CACNA1A: variants seen among roughly 807,000 people sequenced by gnomAD.
CACNA1A encodes the protein voltage-dependent P/Q-type calcium channel subunit alpha-1A.
Under a neutral mutation model 262.4 loss-of-function variants are expected in CACNA1A, and 57 were observed. The ratio of observed to expected loss-of-function variants is 0.22; its 90% CI spans 0.18 to 0.27. The LOEUF (loss-of-function observed/expected upper bound fraction) is 0.27. Ranked by LOEUF, CACNA1A falls within the 10% of genes least tolerant of loss-of-function variation. CACNA1A has a pLI of 1.00. For synonymous variants in CACNA1A, 1,431 were observed against 1,419.3 expected (o/e 1.01, Z -0.18); for missense variants, 2,526 against 3,562.8 (o/e 0.71, Z 7.41).
chr19:13,392,215 AAAAAGAAAAG>A (rs556044353), intron 3 of CACNA1A, among the ~76,000 whole-genome samples: 2 of 152,064 alleles, frequency 1.3e-5, no homozygotes, highest in Admixed American at 6.6e-5. Context: ...CTGTTCAAAA[AAAAAGAAAAG>A]AAAAGAAAAA....
At chr19:13,486,380 C>G (rs1257198481) in intron 1 of CACNA1A, among the ~76,000 whole-genome samples, 1 of 125,462 alleles carries the variant, frequency 8.0e-6, no homozygotes, top group Admixed American at 8.0e-5. Context: ...CTCTCTCTCT[C>G]TCTCTGTCTG....
At chr19:13,470,594 C>T (rs1264931414) in intron 1 of CACNA1A, among the ~76,000 whole-genome samples, 1 of 152,140 alleles carries the variant, frequency 6.6e-6, no homozygotes, top group African/African-American at 2.4e-5. Context: ...ATGTATTTTG[C>T]CATTCTCTTG....
chr19:13,496,762 C>T (rs1356934592), intron 1 of CACNA1A, among the ~76,000 whole-genome samples: 1 of 152,200 alleles, frequency 6.6e-6, no homozygotes, highest in Non-Finnish European at 1.5e-5. Context: ...AGCAGTGGAT[C>T]AGAGAAGCCC....
chr19:13,254,212 T>G (rs2144731195), intron 29 of CACNA1A, among the ~76,000 whole-genome samples: 1 of 152,172 alleles, frequency 6.6e-6, no homozygotes, highest in East Asian at 1.9e-4. Context: ...CAAAGGTAAA[T>G]GAATTAAATG....
chr19:13,260,370 A>G (rs1290549873), intron 26 of CACNA1A: 1 of 149,206 alleles, frequency 6.7e-6, no homozygotes, highest in African/African-American at 2.5e-5. Context: ...TTTGTTTGAG[A>G]TGGAGTCTGG....
Position 13,300,617 on chromosome 19 carries a change from C to G in CACNA1A, c.2212G>C (p.Ala738Pro). 6.2e-7 allele frequency: 1 copy of G among 1,613,950 alleles called. No homozygotes were observed. Reference sequence around the variant, plus strand: ...GCCACCTCCTTGGCTTTCTGTAGGGCAAGTTTCTGGTTCGCTGCTTCTTCT... The same window carrying G: ...GCCACCTCCTTGGCTTTCTGTAGGGGAAGTTTCTGGTTCGCTGCTTCTTCT... ...EEEEAANQKL[A>P]LQKAKEVAEV... is the part of the protein sequence containing the mutation. The change falls in exon 18 of 47, where the codon GCC becomes CCC. Residue 738 changes from alanine to proline, a missense_variant. By Grantham distance (27) the Ala-to-Pro change is conservative. Around this residue, in one of 17 missense-constraint regions of CACNA1A, gnomAD observed 16 missense variants for 30.1 expected, o/e 0.53. Coordinates refer to ENST00000360228, the MANE Select transcript of CACNA1A (RefSeq NM_001127222.2).
intron 29 of CACNA1A, 85 bp downstream of exon 29, chr19:13,255,010 A>C: frequency 6.5e-5 from 87 of 1,338,648 alleles, no homozygotes; most frequent in Non-Finnish European, 7.9e-5. Context: ...TGTCTGGGAA[A>C]CTGCAGATGG....
intron 1 of CACNA1A, among the ~76,000 whole-genome samples, chr19:13,456,294 G>A (rs1207932560): frequency 2.0e-5 from 3 of 152,144 alleles, no homozygotes; most frequent in Admixed American, 6.6e-5. Flanking sequence ...ATCAAAGGAC[G>A]TTATCAAGAA....
In CACNA1A at chr19:13,209,437, C is replaced by A; in HGVS notation, c.6401G>T (p.Arg2134Leu). 2 of 1,380,584 alleles carry A rather than the reference C, an allele frequency of 1.4e-6. No individual in the cohort carries two copies. The highest frequency in any genetic ancestry group is 1.9e-6 in the Non-Finnish European group (2 of 1,062,428). The allele number at this position is 1,380,584 out of a possible 1,614,324, so 85.5% of individuals were successfully genotyped here. ...CCGCTCCAGCGAGTAATCGTCCAGG[C>A]GTCGGGCCTTGGGGCCCAGCACGGA... ...SASVLGPKAR[R>L]LDDYSLERVP... is the part of the protein sequence containing the mutation. Residue 2134 changes from arginine to leucine, a missense_variant, in exon 45 of 47, where the codon CGC (arginine) becomes CTC (leucine). Physicochemically the swap from Arg to Leu is moderately radical, Grantham distance 102. Around this residue, in one of 17 missense-constraint regions of CACNA1A, gnomAD observed 929 missense variants for 868.1 expected, o/e 1.07. Coordinates refer to ENST00000360228, the MANE Select transcript of CACNA1A (RefSeq NM_001127222.2).
At chr19:13,261,691 A>C in intron 25 of CACNA1A, 81 bp from the exon 26 acceptor site, 1 of 1,349,846 alleles carries the variant, frequency 7.4e-7, no homozygotes, top group Non-Finnish European at 1.0e-6. Context: ...TCATACCAAA[A>C]TACTGCCATG....
chr19:13,319,875 G>T (rs1442758680), intron 10 of CACNA1A, among the ~76,000 whole-genome samples: 1 of 152,182 alleles, frequency 6.6e-6, no homozygotes, highest in African/African-American at 2.4e-5. Flanking sequence ...ACAGGCTGAG[G>T]GGGGTCTAGT....
chr19:13,414,779 G>A (rs187924920), intron 3 of CACNA1A, among the ~76,000 whole-genome samples: 2 of 151,712 alleles, frequency 1.3e-5, no homozygotes, highest in South Asian at 2.1e-4. Flanking sequence ...GCAACACGGC[G>A]AAACTCCATT....
chr19:13,413,919 G>GAAAGAAAGAAAA (rs2144752472), intron 3 of CACNA1A, among the ~76,000 whole-genome samples: 1 of 131,248 alleles, frequency 7.6e-6, no homozygotes, highest in African/African-American at 3.0e-5. Context: ...AAGAAAGAAA[G>GAAAGAAAGAAAA]AAAGAAAGAA....
At chr19:13,391,517 C>G (rs2059709280) in intron 3 of CACNA1A, among the ~76,000 whole-genome samples, 1 of 152,122 alleles carries the variant, frequency 6.6e-6, no homozygotes, top group Admixed American at 6.6e-5. Flanking sequence ...GGAGTAGGAA[C>G]AGAGGCAAAA....
At chr19:13,262,461 T>C (rs1410122478) in intron 25 of CACNA1A, 3 of 387,152 alleles carry the variant, frequency 7.7e-6, no homozygotes, top group Non-Finnish European at 1.4e-5. Flanking sequence ...TTTAAATCCA[T>C]ATGATGCCTT....
intron 1 of CACNA1A, among the ~76,000 whole-genome samples, chr19:13,455,783 T>A (rs907547555): frequency 6.6e-6 from 1 of 150,642 alleles, no homozygotes; most frequent in Non-Finnish European, 1.5e-5. Flanking sequence ...GGCGAGAGAA[T>A]TGCTTGAGCC....
chr19:13,432,276 C>G (rs1599441064), intron 3 of CACNA1A, among the ~76,000 whole-genome samples: 1 of 147,404 alleles, frequency 6.8e-6, no homozygotes, highest in Admixed American at 6.8e-5. Context: ...TTAGCCGGGC[C>G]TGGTGGCAAG....
intron 4 of CACNA1A, among the ~76,000 whole-genome samples, chr19:13,367,621 G>A (rs918760061): frequency 2.6e-5 from 4 of 152,052 alleles, no homozygotes; most frequent in Admixed American, 6.6e-5. Context: ...CTGGCTACTC[G>A]GGAGGCTGAG....
intron 6 of CACNA1A, among the ~76,000 whole-genome samples, chr19:13,354,994 C>A (rs914920945): frequency 6.6e-6 from 1 of 151,692 alleles, no homozygotes; most frequent in Non-Finnish European, 1.5e-5. Flanking sequence ...CCTGCCTCAG[C>A]CTCCCAAGTG....
Sources: gnomAD v4.1 joint callset for allele counts (sites outside exome capture counted in the v4.1 genomes callset) on GRCh38, gnomAD v4.1.1 for gene constraint, gnomAD v4.1.1 regional missense constraint, MANE v1.5 for transcripts, NCBI Gene and HGNC (gene_info 2026-07-23, HGNC 2026-07-21) for gene names.